The following OLFM3 variants were observed in gnomAD, a reference collection of about 807,000 sequenced individuals.
OLFM3 encodes the protein olfactomedin 3, also known as noelin-3.
A neutral mutation model predicts 48.6 loss-of-function variants in OLFM3; 20 were observed. That is an observed-to-expected ratio of 0.41 (90% CI 0.29 to 0.60). OLFM3 has a LOEUF of 0.60. OLFM3 is among the 20% of genes least tolerant of loss of function. OLFM3 has a pLI of 0.28. For missense variants in OLFM3, 437 were observed against 544.3 expected, an observed-to-expected ratio of 0.80 and a Z score of 1.96; for synonymous variants, 222 against 198.1, an observed-to-expected ratio of 1.12 and a Z score of -1.01.
At chr1:101,941,334 C>T (rs1659789490) in intron 1 of OLFM3, among the ~76,000 whole-genome samples, 1 of 152,060 alleles carries the variant, frequency 6.6e-6, no homozygotes, top group South Asian at 2.1e-4. Context: ...GGGTGTGGCT[C>T]AGCAGGGAAG....
In OLFM3 at chr1:101,986,608, G is replaced by A. The variant is rs117650467; in HGVS notation, c.69+10140C>T. 2.7e-4 allele frequency among the ~76,000 whole-genome samples: 41 copies of A among 152,252 alleles called. No homozygotes were observed. The East Asian group carries it at 7.5e-3, about 28-fold the overall frequency. ...GTTGAGTCGCTTGAGAGGGAAATAAGATCTTTTCCAATATCATTATGTACA... is the reference window on the plus strand; with the variant it reads ...GTTGAGTCGCTTGAGAGGGAAATAAAATCTTTTCCAATATCATTATGTACA... On this transcript the variant is annotated intron_variant, in intron 1 of 5. Coordinates refer to ENST00000370103, the MANE Select transcript of OLFM3 (RefSeq NM_058170.4).
intron 1 of OLFM3, among the ~76,000 whole-genome samples, chr1:101,968,533 GA>G (rs3082438): frequency 0.025 from 2,934 of 118,492 alleles, 102 homozygotes; most frequent in African/African-American, 0.088. Context: ...TTTTTGTTCT[GA>G]AAAAAAAAAA....
At chr1:101,860,444 A>T (rs1398401682) in intron 1 of OLFM3, among the ~76,000 whole-genome samples, 1 of 152,008 alleles carries the variant, frequency 6.6e-6, no homozygotes, top group Admixed American at 6.5e-5. Flanking sequence ...GTTTCATTCC[A>T]CAATCATGAA....
At chr1:101,975,837 G>GT (rs1485321446) in intron 1 of OLFM3, among the ~76,000 whole-genome samples, 1 of 151,974 alleles carries the variant, frequency 6.6e-6, no homozygotes, top group East Asian at 1.9e-4. Flanking sequence ...GCAACGCAGC[G>GT]TAATACCCAC....
chr1:101,832,940 A>G (rs1464385550), intron 2 of OLFM3, among the ~76,000 whole-genome samples: 1 of 152,206 alleles, frequency 6.6e-6, no homozygotes, highest in African/African-American at 2.4e-5. Flanking sequence ...TTTCAACATA[A>G]CTTTCTAACT....
At chr1:101,973,922 G>C (rs1338952027) in intron 1 of OLFM3, among the ~76,000 whole-genome samples, 1 of 152,026 alleles carries the variant, frequency 6.6e-6, no homozygotes, top group Non-Finnish European at 1.5e-5. Flanking sequence ...TTCTTTCACT[G>C]TTTTCCCAAG....
intron 1 of OLFM3, among the ~76,000 whole-genome samples, chr1:101,944,526 C>T (rs1659895704): frequency 1.3e-5 from 2 of 152,068 alleles, no homozygotes; most frequent in Admixed American, 1.3e-4. Flanking sequence ...ATTTTGATTC[C>T]ACATGTGCAC....
At chr1:101,986,132 A>AT (rs1661230353) in intron 1 of OLFM3, among the ~76,000 whole-genome samples, 2 of 151,722 alleles carry the variant, frequency 1.3e-5, no homozygotes, top group African/African-American at 2.4e-5. Context: ...CGCCCGGCTA[A>AT]TTTTTTGTAT....
rs1434845244 is a variant in OLFM3 at position 101,836,918 on chromosome 1, C to T, written c.177G>A (p.Arg59=). ...VVAPEQNLCS[R]DAKSRQLRQL... ...GGCGAAGTTGCCTGCTTTTGGCATC[C>T]CGGGAACACAGGTTTTGTTCTGGAG... is the stretch of plus-strand genomic sequence containing the variant. The change falls in exon 2 of 6, where the codon CGG becomes CGA. Residue 59 remains arginine, a synonymous_variant. Coordinates refer to ENST00000370103, the MANE Select transcript of OLFM3 (RefSeq NM_058170.4). 3.7e-6 allele frequency: 6 copies of T among 1,614,098 alleles called. No homozygotes were observed. The highest frequency in any genetic ancestry group is 4.2e-6 in the Non-Finnish European group (5 of 1,179,996).
intron 4 of OLFM3, among the ~76,000 whole-genome samples, chr1:101,814,809 T>A (rs1038003046): frequency 6.6e-6 from 1 of 152,160 alleles, no homozygotes; most frequent in Non-Finnish European, 1.5e-5. Flanking sequence ...AAATAAAAAA[T>A]ATGGCTACAT....
Position 101,827,774 on chromosome 1 carries a change from C to A in OLFM3, c.373-2529G>T, listed in dbSNP as rs576726768. On this transcript the variant is annotated intron_variant, in intron 3 of 5. Transcript: ENST00000370103. ...GGAATTGGACTTTCTGAATTTGAAT[C>A]TTGGTTCTCATGCATATTAGATATA... Among the ~76,000 whole-genome samples, 82 of 152,256 alleles carry A rather than the reference C, an allele frequency of 5.4e-4. 3 individuals are homozygous for A. The highest frequency in any genetic ancestry group is 8.3e-4 in the South Asian group (4 of 4,824).
At chr1:101,850,437 T>C (rs1483431189) in intron 1 of OLFM3, among the ~76,000 whole-genome samples, 1 of 152,172 alleles carries the variant, frequency 6.6e-6, no homozygotes, top group East Asian at 1.9e-4. Flanking sequence ...GAATGACTCA[T>C]AGGTAATTTA....
intron 1 of OLFM3, among the ~76,000 whole-genome samples, chr1:101,956,087 T>TG (rs1491165534): frequency 1.7e-5 from 1 of 57,286 alleles, no homozygotes; most frequent in Non-Finnish European, 3.2e-5. Context: ...CAATAACAGG[T>TG]TTTTTTTTTT....
chr1:101,880,771 C>T (rs1657493568), intron 1 of OLFM3, among the ~76,000 whole-genome samples: 1 of 151,820 alleles, frequency 6.6e-6, no homozygotes, highest in South Asian at 2.1e-4. Flanking sequence ...AAAGTAATTT[C>T]TAAATATACA....
chr1:101,859,205 T>A (rs1345842541), intron 1 of OLFM3, among the ~76,000 whole-genome samples: 1 of 152,186 alleles, frequency 6.6e-6, no homozygotes, highest in East Asian at 1.9e-4. Context: ...AAAGAGAAGA[T>A]TAAACATTGC....
At chr1:101,869,913 G>A (rs991480820) in intron 1 of OLFM3, among the ~76,000 whole-genome samples, 6 of 152,130 alleles carry the variant, frequency 3.9e-5, no homozygotes, top group Admixed American at 1.3e-4. Flanking sequence ...TTGCAGAAGT[G>A]TGAGTCAATT....
At chr1:101,915,362 GT>G (rs2101032361) in intron 1 of OLFM3, among the ~76,000 whole-genome samples, 1 of 146,552 alleles carries the variant, frequency 6.8e-6, no homozygotes, top group African/African-American at 2.6e-5. Flanking sequence ...GATTTAATCT[GT>G]TAAAAAAAAA....
intron 1 of OLFM3, among the ~76,000 whole-genome samples, chr1:101,985,568 A>G (rs1235130118): frequency 1.3e-5 from 2 of 152,216 alleles, no homozygotes; most frequent in African/African-American, 4.8e-5. Flanking sequence ...ATAACCATCC[A>G]TCAGCTCTGT....
intron 1 of OLFM3, among the ~76,000 whole-genome samples, chr1:101,995,453 T>G (rs1303182496): frequency 6.6e-6 from 1 of 152,144 alleles, no homozygotes; most frequent in East Asian, 1.9e-4. Flanking sequence ...TAAGATGACA[T>G]TCACACAGAG....
Sources: gnomAD v4.1 joint callset for allele counts (sites outside exome capture counted in the v4.1 genomes callset) on GRCh38, gnomAD v4.1.1 for gene constraint, MANE v1.5 for transcripts, NCBI Gene and HGNC (gene_info 2026-07-23, HGNC 2026-07-21) for gene names.